PPP2R5C: variants seen among roughly 807,000 people sequenced by gnomAD.
The protein encoded by PPP2R5C is serine/threonine-protein phosphatase 2A 56 kDa regulatory subunit gamma isoform.
A neutral mutation model predicts 68.9 loss-of-function variants in PPP2R5C; 7 were observed. The ratio of observed to expected loss-of-function variants is 0.10; its 90% CI spans 0.06 to 0.19. PPP2R5C has a LOEUF of 0.19. Ranked by LOEUF, PPP2R5C falls within the 10% of genes least tolerant of loss-of-function variation. The probability of loss-of-function intolerance (pLI) is 1.00; values close to 1 mark genes in which losing one functional copy is unlikely to be tolerated. For synonymous variants in PPP2R5C, 210 were observed against 222.2 expected (o/e 0.95, Z 0.49); for missense variants, 348 against 641.3 (o/e 0.54, Z 4.94).
chr14:101,847,724 G>A (rs1177963989), intron 1 of PPP2R5C, among the ~76,000 whole-genome samples: 9 of 148,852 alleles, frequency 6.0e-5, no homozygotes, highest in South Asian at 2.1e-4. Flanking sequence ...GTGTGGTGGC[G>A]TGATCTCAGC....
At chr14:101,762,606 A>C (rs547559842) in intron 1 of PPP2R5C, among the ~76,000 whole-genome samples, 1 of 152,158 alleles carries the variant, frequency 6.6e-6, no homozygotes, top group East Asian at 1.9e-4. Context: ...GGAGGGTAGA[A>C]AGGGATGTGA....
intron 6 of PPP2R5C, among the ~76,000 whole-genome samples, chr14:101,892,464 C>G (rs2045007454): frequency 6.6e-6 from 1 of 152,172 alleles, no homozygotes; most frequent in Non-Finnish European, 1.5e-5. Flanking sequence ...CCACCAGGAG[C>G]TCCTGCTGTT....
intron 1 of PPP2R5C, among the ~76,000 whole-genome samples, chr14:101,855,447 G>T (rs1181462330): frequency 6.6e-6 from 1 of 152,176 alleles, no homozygotes; most frequent in South Asian, 2.1e-4. Flanking sequence ...GTTAGTATGG[G>T]TCGTTTCTTA....
intron 2 of PPP2R5C, among the ~76,000 whole-genome samples, chr14:101,764,758 G>A (rs749699104): frequency 6.7e-6 from 1 of 149,084 alleles, no homozygotes; most frequent in Non-Finnish European, 1.5e-5. Context: ...TCATTTCGAT[G>A]AAGATGAAAT....
upstream of PPP2R5C, among the ~76,000 whole-genome samples, chr14:101,809,201 C>T (rs1328871825): frequency 6.6e-6 from 1 of 151,956 alleles, no homozygotes; most frequent in Non-Finnish European, 1.5e-5. Context: ...CACTTTCTAG[C>T]TATCGAATTT....
intron 3 of PPP2R5C, among the ~76,000 whole-genome samples, chr14:101,790,872 AG>A (rs1260718045): frequency 6.6e-6 from 1 of 152,214 alleles, no homozygotes; most frequent in Non-Finnish European, 1.5e-5. Flanking sequence ...TGAGGTCAGG[AG>A]ATCAAGGCCA....
At chr14:101,800,665 A>G (rs368212469) in intron 3 of PPP2R5C, among the ~76,000 whole-genome samples, 113 of 150,472 alleles carry the variant, frequency 7.5e-4, no homozygotes, top group Middle Eastern at 6.9e-3. Context: ...AAAAAAAAAA[A>G]GGGAAATTTT....
intron 2 of PPP2R5C, among the ~76,000 whole-genome samples, chr14:101,859,251 T>C (rs774659236): frequency 3.9e-5 from 6 of 152,228 alleles, no homozygotes; most frequent in Non-Finnish European, 7.3e-5. Flanking sequence ...AACCAATAAT[T>C]TTCATTTTAG....
intron 1 of PPP2R5C, among the ~76,000 whole-genome samples, chr14:101,811,372 C>G (rs1321064608): frequency 6.6e-6 from 1 of 152,210 alleles, no homozygotes; most frequent in Non-Finnish European, 1.5e-5. Context: ...CAGGGTCTCA[C>G]TCTTGTCACC....
chr14:101,832,831 A>C (rs774153937), intron 1 of PPP2R5C, among the ~76,000 whole-genome samples: 1 of 152,062 alleles, frequency 6.6e-6, no homozygotes, highest in Non-Finnish European at 1.5e-5. Flanking sequence ...TTACCGTGTA[A>C]TTTCTCTGCA....
Position 101,833,276 on chromosome 14 carries a change from C to T in PPP2R5C, c.94+23240C>T, listed in dbSNP as rs371067548. ...CAGAGGTCACTGGTGCTGCTGTTCA[C>T]ATGGCCGGTGTCAGGGTTTTAATTC... is the stretch of plus-strand genomic sequence containing the variant. On this transcript the variant is annotated intron_variant, in intron 1 of 13. Coordinates refer to ENST00000334743, the Ensembl canonical transcript of PPP2R5C. 2.2e-4 allele frequency among the ~76,000 whole-genome samples: 34 copies of T among 152,358 alleles called. No individual in the cohort carries two copies. In the South Asian group the frequency reaches 2.7e-3, roughly 12 times the overall value.
chr14:101,907,754 T>C (rs755278812), intron 10 of PPP2R5C, among the ~76,000 whole-genome samples: 1 of 152,178 alleles, frequency 6.6e-6, no homozygotes, highest in African/African-American at 2.4e-5. Context: ...GGCACCCCTC[T>C]GGCTGTGCTG....
chr14:101,903,646 A>C (rs1359289214), intron 9 of PPP2R5C, among the ~76,000 whole-genome samples: 2 of 150,596 alleles, frequency 1.3e-5, no homozygotes, highest in Non-Finnish European at 2.9e-5. Flanking sequence ...TTTTCCAGAC[A>C]CATATGCATA....
At position 101,916,986 on chromosome 14, in the gene PPP2R5C, A is replaced by G. The variant is rs1405812674; in HGVS notation, c.1327-845A>G. Among the ~76,000 whole-genome samples the G allele has an allele frequency of 2.6e-5, 4 of 152,060 alleles. No homozygotes were observed. Among genetic ancestry groups the G allele is most frequent in the Non-Finnish European group, 4.4e-5 (3 of 67,974 alleles). ...CACGCAGGACAAACAGGCGCCCCAC[A>G]CAGTTCCCAGCTCACAGCAGACACA... On this transcript the variant is annotated intron_variant, in intron 12 of 13. Transcript: ENST00000334743. This position sits in a 1 kb window ranked among gnomAD's most constrained non-coding sequence, Gnocchi z 5.5.
chr14:101,894,496 T>G lies in PPP2R5C; in HGVS notation c.799-11T>G, dbSNP rs2140981763. 1.2e-6 allele frequency: 2 copies of G among 1,612,988 alleles called. No individual in the cohort carries two copies. On this transcript the variant is annotated splice_polypyrimidine_tract_variant and intron_variant, in intron 7 of 13. Transcript: ENST00000334743. ...TGAAATGTTAATGCTCTTTCTCCTT[T>G]TACTTTTTAGCTGGCATACTGTGTA...
chr14:101,849,603 TCTATC>T (rs765936466), intron 1 of PPP2R5C, among the ~76,000 whole-genome samples: 7 of 150,138 alleles, frequency 4.7e-5, no homozygotes, highest in Non-Finnish European at 8.9e-5. Context: ...TTCAAATAGT[TCTATC>T]CTGTGCCTTG....
At chr14:101,824,659 C>T (rs565591645) in intron 1 of PPP2R5C, among the ~76,000 whole-genome samples, 1 of 152,318 alleles carries the variant, frequency 6.6e-6, no homozygotes, top group South Asian at 2.1e-4. Flanking sequence ...ACTTTCTGCC[C>T]TATGTCCACC....
At chr14:101,763,743 T>A (rs116086032) in intron 2 of PPP2R5C, among the ~76,000 whole-genome samples, 1 of 152,164 alleles carries the variant, frequency 6.6e-6, no homozygotes, top group Non-Finnish European at 1.5e-5. Flanking sequence ...CTGTATAGAT[T>A]GGTCTTATGC....
intron 3 of PPP2R5C, among the ~76,000 whole-genome samples, chr14:101,793,982 A>G (rs1320635727): frequency 6.6e-6 from 1 of 152,160 alleles, no homozygotes; most frequent in African/African-American, 2.4e-5. Context: ...TCCTATGTCC[A>G]GTTGCTTCTC....
Sources: gnomAD v4.1 joint callset for allele counts (sites outside exome capture counted in the v4.1 genomes callset) on GRCh38, gnomAD v4.1.1 for gene constraint, Gnocchi (gnomAD v3.1) non-coding constraint, MANE v1.5 for transcripts, NCBI Gene and HGNC (gene_info 2026-07-23, HGNC 2026-07-21) for gene names.